ZNF536: variants seen among roughly 807,000 people sequenced by gnomAD.
ZNF536 encodes the protein zinc finger protein 536.
Under a neutral mutation model 84.5 loss-of-function variants are expected in ZNF536, and 13 were observed. That is an observed-to-expected ratio of 0.15 (90% CI 0.10 to 0.24). The LOEUF is 0.24. Among genes scored for constraint, ZNF536 ranks in the 10% least tolerant of loss-of-function variants. ZNF536 has a pLI of 1.00. For missense variants in ZNF536, 1,536 were observed against 1,747.5 expected (o/e 0.88, Z 2.16); for synonymous variants, 811 against 742.5 (o/e 1.09, Z -1.50).
chr19:30,676,052 G>T (rs532967892), intron 1 of ZNF536, among the ~76,000 whole-genome samples: 2 of 152,012 alleles, frequency 1.3e-5, no homozygotes, highest in East Asian at 1.9e-4. Context: ...ATAGAGATGG[G>T]GTCTCTCTGT....
chr19:30,336,777 C>G (rs905928653), intron 2 of ZNF536, among the ~76,000 whole-genome samples: 1 of 152,008 alleles, frequency 6.6e-6, no homozygotes, highest in African/African-American at 2.4e-5. Flanking sequence ...AGCTGTGACC[C>G]CTGATGTTAT....
chr19:30,428,996 A>G (rs1213729453), intron 1 of ZNF536, among the ~76,000 whole-genome samples: 1 of 152,162 alleles, frequency 6.6e-6, no homozygotes, highest in African/African-American at 2.4e-5. Context: ...TGTCTAACAC[A>G]TGGGAAGCCA....
intron 2 of ZNF536, among the ~76,000 whole-genome samples, chr19:30,300,141 C>T (rs1248627877): frequency 3.9e-5 from 6 of 152,138 alleles, no homozygotes; most frequent in Admixed American, 3.9e-4. Flanking sequence ...ATTATACCCT[C>T]CTCAAGTTTT....
intron 1 of ZNF536, among the ~76,000 whole-genome samples, chr19:30,440,937 A>T (rs17173041): frequency 0.016 from 2,291 of 144,798 alleles, 58 homozygotes; most frequent in African/African-American, 0.058. Flanking sequence ...ATAGATAGAT[A>T]GATTTGAAAA....
chr19:30,267,545 T>C (rs2025578263), intron 1 of ZNF536, among the ~76,000 whole-genome samples: 1 of 152,102 alleles, frequency 6.6e-6, no homozygotes, highest in South Asian at 2.1e-4. Context: ...ACCAACCCTG[T>C]CCATCTTTGC....
intron 2 of ZNF536, among the ~76,000 whole-genome samples, chr19:30,287,123 C>T (rs1349601544): frequency 1.3e-5 from 2 of 152,058 alleles, no homozygotes; most frequent in Admixed American, 6.6e-5. Context: ...TTGTGATTTC[C>T]TCAGTTCCTG....
intron 3 of ZNF536, among the ~76,000 whole-genome samples, chr19:30,539,125 C>CA (rs146597975): frequency 0.034 from 5,140 of 151,212 alleles, 139 homozygotes; most frequent in South Asian, 0.12. Flanking sequence ...TGCACCCCCC[C>CA]CACACACACA....
chr19:30,610,082 A>G (rs966265677), intron 1 of ZNF536, among the ~76,000 whole-genome samples: 2 of 152,244 alleles, frequency 1.3e-5, no homozygotes, highest in East Asian at 3.8e-4. Context: ...TTGAGAATCT[A>G]CTACATGCTA....
intron 1 of ZNF536, among the ~76,000 whole-genome samples, chr19:30,247,634 C>T (rs147780342): frequency 1.4e-3 from 209 of 152,186 alleles, no homozygotes; most frequent in African/African-American, 4.9e-3. Flanking sequence ...TCAAGGCCAG[C>T]CTGGGCAACA....
At chr19:30,338,668 T>C (rs970623392) in intron 2 of ZNF536, among the ~76,000 whole-genome samples, 18 of 152,112 alleles carry the variant, frequency 1.2e-4, no homozygotes, top group Admixed American at 5.9e-4. Context: ...AGTTCCCTCA[T>C]ATCTGCAGGG....
exon 2 of ZNF536, chr19:30,713,195 A>G (rs1438340949): frequency 6.6e-6 from 1 of 152,196 alleles, no homozygotes; most frequent in Non-Finnish European, 1.5e-5. Flanking sequence ...CCTTCTTTCC[A>G]GAACATTTGT....
chr19:30,567,788 AGG>A (rs565897990), intron 1 of ZNF536, among the ~76,000 whole-genome samples: 8 of 152,138 alleles, frequency 5.3e-5, no homozygotes, highest in Non-Finnish European at 1.2e-4. Flanking sequence ...ATGTCTTTTA[AGG>A]TCCCACAGAG....
chr19:30,522,868 G>T (rs983638888), intron 2 of ZNF536, among the ~76,000 whole-genome samples: 3 of 152,122 alleles, frequency 2.0e-5, no homozygotes, highest in East Asian at 1.9e-4. Context: ...ATGCACATAG[G>T]TATATATATT....
At chr19:30,286,101 C>T (rs2045615469) in intron 2 of ZNF536, among the ~76,000 whole-genome samples, 2 of 151,838 alleles carry the variant, frequency 1.3e-5, no homozygotes, top group African/African-American at 4.8e-5. Flanking sequence ...TGCCATGAGC[C>T]TGGCCCGAGC....
intron 1 of ZNF536, among the ~76,000 whole-genome samples, chr19:30,615,837 T>C (rs1325551081): frequency 6.6e-6 from 1 of 152,174 alleles, no homozygotes. Context: ...TAAATTCATA[T>C]TGAGGTTTAT....
At chr19:30,332,977 GAGGCTGAGGCGGGAGGAT>G (rs1248016834) in intron 2 of ZNF536, among the ~76,000 whole-genome samples, 2 of 152,118 alleles carry the variant, frequency 1.3e-5, no homozygotes, top group Non-Finnish European at 2.9e-5. Context: ...AGCTACTCGG[GAGGCTGAGGCGGGAGGAT>G]AGCTTGAGCC....
At chr19:30,474,929 C>G (rs777659508) in intron 2 of ZNF536, among the ~76,000 whole-genome samples, 11 of 150,378 alleles carry the variant, frequency 7.3e-5, no homozygotes, top group African/African-American at 2.0e-4. Context: ...CCACATCCCC[C>G]CTTTCCTCTC....
chr19:30,701,909 G>A (rs1180716079), intron 1 of ZNF536, among the ~76,000 whole-genome samples: 2 of 152,208 alleles, frequency 1.3e-5, no homozygotes, highest in Admixed American at 6.5e-5. Context: ...ACTTTGATGA[G>A]TGGGTGCCAG....
At chr19:30,496,824 AATG>A (rs1249770433) in intron 2 of ZNF536, among the ~76,000 whole-genome samples, 1 of 151,834 alleles carries the variant, frequency 6.6e-6, no homozygotes, top group Non-Finnish European at 1.5e-5. Flanking sequence ...TGCTTTTTTT[AATG>A]ATAAGCTAGG....
Sources: gnomAD v4.1 joint callset for allele counts (sites outside exome capture counted in the v4.1 genomes callset) on GRCh38, gnomAD v4.1.1 for gene constraint, MANE v1.5 for transcripts, NCBI Gene and HGNC (gene_info 2026-07-23, HGNC 2026-07-21) for gene names.